Variants in SIDT2 observed in about 807,000 individuals in gnomAD.
The protein encoded by SIDT2 is SID1 transmembrane family, member 2.
SIDT2 carries 68 observed loss-of-function variants against 114.4 expected under a neutral mutation model. The ratio of observed to expected loss-of-function variants is 0.59; its 90% CI spans 0.49 to 0.73. The LOEUF (loss-of-function observed/expected upper bound fraction) is 0.73. Among genes scored for constraint, SIDT2 ranks in the 30% least tolerant of loss-of-function variants. SIDT2 has a pLI of 0.00. For missense variants in SIDT2, 918 were observed against 1,097.1 expected (o/e 0.84, Z 2.31); for synonymous variants, 470 against 438.4 (o/e 1.07, Z -0.90).
rs140224108 is a variant in SIDT2 at position 117,182,337 on chromosome 11, T to C, written c.517-182T>C. ...CATTCTGCTGAGTGCCCTGCTGAGG[T>C]TGAAGGGAATGGTATACAGAGAAAG... On this transcript the variant is annotated intron_variant, in intron 4 of 25. Transcript: ENST00000324225. The C allele has an allele frequency of 5.0e-5, 35 of 706,942 alleles. No homozygotes were observed. The African/African-American group carries it at 5.9e-4, about 12-fold the overall frequency. 43.8% of individuals were successfully genotyped at this position (706,942 alleles called of 1,614,324 possible).
In SIDT2 at chr11:117,181,858, C is replaced by G. The variant is rs777801093; in HGVS notation, c.357C>G (p.Pro119=). ...YQKVERTLCQ[P]PTKNESEIQF... is the part of the protein sequence containing the mutation. ...AAGTGGAACGAACCCTGTGTCAGCCCCCCACCAAGAATGAGTCGGAGATTC... is the reference window on the plus strand; with the variant it reads ...AAGTGGAACGAACCCTGTGTCAGCCGCCCACCAAGAATGAGTCGGAGATTC... The change falls in exon 3 of 26, where the codon CCC becomes CCG. Residue 119 remains proline (P), a synonymous_variant. Coordinates refer to ENST00000324225, the MANE Select transcript of SIDT2 (RefSeq NM_001040455.2). 6.2e-7 allele frequency: 1 copy of G among 1,614,204 alleles called. No individual in the cohort carries two copies. The highest frequency in any genetic ancestry group is 8.5e-7 in the Non-Finnish European group (1 of 1,180,030).
Position 117,190,270 on chromosome 11 carries a change from G to T in SIDT2, c.1598G>T (p.Arg533Leu). 1.3e-6 allele frequency: 2 copies of T among 1,553,368 alleles called. No individual in the cohort carries two copies. The highest frequency in any genetic ancestry group is 1.7e-6 in the Non-Finnish European group (2 of 1,150,960). The change falls in exon 17 of 26, where the codon CGC (arginine) becomes CTC (leucine). Residue 533 changes from arginine (R) to leucine (L), a missense_variant. By Grantham distance (102) the Arg-to-Leu change is moderately radical. This residue lies in a region of SIDT2 where 72 missense variants were observed against 59.9 expected (regional missense o/e 1.20). Coordinates refer to ENST00000324225, the MANE Select transcript of SIDT2 (RefSeq NM_001040455.2). The surrounding 1 kb of genome is among the most constrained non-coding windows in gnomAD (Gnocchi z 4.1). ...REINHNRALL[R>L]NDLCALECGI... ...ATCAACCACAACCGGGCCCTGCTGC[G>T]CAATGACCTCTGTGCCCTGGTAAGG...
At chr11:117,181,761 C>T (rs781757775) in intron 2 of SIDT2, 46 bp from the exon 3 acceptor site, 14 of 1,611,880 alleles carry the variant, frequency 8.7e-6, no homozygotes, top group African/African-American at 5.3e-5. Context: ...AGGGGCAGGC[C>T]GGCTGGGACA....
In SIDT2 at chr11:117,187,669, G is replaced by C; in HGVS notation, c.1129G>C (p.Gly377Arg). The change falls in exon 12 of 26, where the codon GGC becomes CGC. Residue 377 changes from glycine to arginine, a missense_variant. By Grantham distance (125) the Gly-to-Arg change is moderately radical. Coordinates refer to ENST00000324225, the MANE Select transcript of SIDT2 (RefSeq NM_001040455.2). The part of the protein sequence containing the change: ...GSTDGLVDSA[G>R]TGDLSYGYQG... ...TACCGATGGTCTGGTTGACAGCGCTGGCACTGGGGACCTCTCTTACGGTTA... is the reference window on the plus strand; with the variant it reads ...TACCGATGGTCTGGTTGACAGCGCTCGCACTGGGGACCTCTCTTACGGTTA... 6.2e-7 allele frequency: 1 copy of C among 1,614,040 alleles called. No homozygotes were observed.
chr11:117,181,682 G>A (rs1452855310), intron 2 of SIDT2, 125 bp from the exon 3 acceptor site: 20 of 1,566,828 alleles, frequency 1.3e-5, no homozygotes, highest in African/African-American at 5.4e-5. Context: ...CCCACCAGCC[G>A]GGAGCTTGTG....
chr11:117,184,303 G>A (rs954126782), intron 8 of SIDT2, among the ~76,000 whole-genome samples, 164 bp downstream of exon 8: 5 of 152,136 alleles, frequency 3.3e-5, no homozygotes, highest in Non-Finnish European at 5.9e-5. Context: ...GGGAGGGCCG[G>A]GAGGTGAGTT....
intron 8 of SIDT2, among the ~76,000 whole-genome samples, chr11:117,185,123 T>C (rs6589603): frequency 0.86 from 129,785 of 150,108 alleles, 56,706 homozygotes; most frequent in African/African-American, 0.91. Flanking sequence ...AATCTCGGCT[T>C]ACTGCAAGCT....
chr11:117,182,786 A>G lies in SIDT2; in HGVS notation c.682A>G (p.Lys228Glu). Residue 228 changes from lysine to glutamate, a missense_variant, in exon 6 of 26, where the codon AAG becomes GAG. Physicochemically the swap from Lys to Glu is moderately conservative, Grantham distance 56. Coordinates refer to ENST00000324225, the MANE Select transcript of SIDT2 (RefSeq NM_001040455.2). ...FIGMYQTMTK[K>E]AAITVQRKDF... Reference sequence around the variant, plus strand: ...CGGCATGTACCAGACGATGACCAAGAAGGCGGCCATCACCGTACAGGTAGG... The same window carrying G: ...CGGCATGTACCAGACGATGACCAAGGAGGCGGCCATCACCGTACAGGTAGG... 1.2e-6 allele frequency: 2 copies of G among 1,614,026 alleles called. No individual in the cohort carries two copies. The highest frequency in any genetic ancestry group is 1.1e-5 in the South Asian group (1 of 91,052).
At chr11:117,185,808 AG>A (rs1438138115) in intron 8 of SIDT2, 9 of 232,836 alleles carry the variant, frequency 3.9e-5, no homozygotes, top group Non-Finnish European at 5.7e-5. Flanking sequence ...TAGGAGTTGG[AG>A]GCTGCAGTGA....
At chr11:117,186,468 G>A in intron 9 of SIDT2, 116 bp from the exon 10 acceptor site, 1 of 1,090,974 alleles carries the variant, frequency 9.2e-7, no homozygotes, top group Non-Finnish European at 1.3e-6. Context: ...GACAAAGGGT[G>A]GAGGACAGGG....
In SIDT2 at chr11:117,192,824, G is replaced by T. The variant is rs141120563; in HGVS notation, c.2063G>T (p.Arg688Leu). 6.2e-7 allele frequency: 1 copy of T among 1,614,100 alleles called. No individual in the cohort carries two copies. Among genetic ancestry groups the T allele is most frequent in the East Asian group, 2.2e-5 (1 of 44,872 alleles). ...RQCSGPLYVD[R>L]MVLLVMGNVI... ...TGTGTCCCTGCTTCCCTCCAGGACC[G>T]CATGGTGCTGCTGGTCATGGGCAAC... Residue 688 changes from arginine to leucine, a missense_variant, in exon 22 of 26, where the codon CGC (arginine) becomes CTC (leucine). Arg to Leu is a moderately radical substitution (Grantham distance 102, BLOSUM62 -2). This residue lies in a region of SIDT2 where 275 missense variants were observed against 397.6 expected (regional missense o/e 0.69). Transcript: ENST00000324225. This position sits in a 1 kb window ranked among gnomAD's most constrained non-coding sequence, Gnocchi z 5.9.
intron 24 of SIDT2, among the ~76,000 whole-genome samples, chr11:117,195,283 C>T (rs2030857984): frequency 6.6e-6 from 1 of 151,940 alleles, no homozygotes; most frequent in South Asian, 2.1e-4. Context: ...CAGCATGTAG[C>T]ACAGACAGAC....
At chr11:117,183,499 G>A (rs560467369) in intron 6 of SIDT2, among the ~76,000 whole-genome samples, 128 of 151,820 alleles carry the variant, frequency 8.4e-4, no homozygotes, top group African/African-American at 2.4e-3. Context: ...TTAGCTGGGC[G>A]TGGTGATGGA....
intron 9 of SIDT2, 49 bp from the exon 10 acceptor site, chr11:117,186,535 G>T (rs1014030086): frequency 2.6e-6 from 4 of 1,511,086 alleles, no homozygotes; most frequent in Non-Finnish European, 3.6e-6. Flanking sequence ...CATACAGAGT[G>T]ATCCTTGTCC....
Position 117,190,807 on chromosome 11 carries a change from C to A in SIDT2, c.1735+67C>A. The A allele has an allele frequency of 7.8e-7, 1 of 1,274,550 alleles. No homozygotes were observed. Among genetic ancestry groups the A allele is most frequent in the Non-Finnish European group, 1.1e-6 (1 of 873,798 alleles). 79.0% of individuals were successfully genotyped at this position (1,274,550 alleles called of 1,614,324 possible). A position where few individuals can be genotyped will look rare whatever the true frequency, so the allele number is the denominator to read the frequency against. On this transcript the variant is annotated intron_variant, in intron 18 of 25. Coordinates refer to ENST00000324225, the MANE Select transcript of SIDT2 (RefSeq NM_001040455.2). The surrounding 1 kb of genome is among the most constrained non-coding windows in gnomAD (Gnocchi z 4.1). The stretch of plus-strand genomic sequence containing the variant: ...GGACCTGCCTGAGTCCTTCACTATC[C>A]CCAAGTCACCCACAGGGATCGCTAA...
intron 10 of SIDT2, 132 bp from the exon 11 acceptor site, chr11:117,187,246 G>T: frequency 1.0e-6 from 1 of 989,826 alleles, no homozygotes. Flanking sequence ...TGTTTGCCTG[G>T]ATAGGTGCTG....
intron 10 of SIDT2, chr11:117,186,959 C>T (rs750388901): frequency 4.3e-5 from 64 of 1,473,788 alleles, no homozygotes; most frequent in Middle Eastern, 1.8e-4. Flanking sequence ...CTCTTTCTGT[C>T]CTCCCTCCTG....
intron 11 of SIDT2, 69 bp from the exon 12 acceptor site, chr11:117,187,559 C>T: frequency 6.3e-7 from 1 of 1,598,312 alleles, no homozygotes; most frequent in Non-Finnish European, 8.6e-7. Flanking sequence ...CCCACACCCT[C>T]TGCAGATGCT....
Position 117,192,513 on chromosome 11 carries a change from C to CAG in SIDT2, c.1982-61_1982-60insAG. ...GCCTGGGCTCCTCAGCTGGCACATC[C>CAG]CAGGGGTCCAGCAAAGGAGGGTGCC... On this transcript the variant is annotated intron_variant, in intron 20 of 25. Transcript: ENST00000324225. The surrounding 1 kb of genome is among the most constrained non-coding windows in gnomAD (Gnocchi z 5.9). 6.3e-7 allele frequency: 1 copy of CAG among 1,585,976 alleles called. No homozygotes were observed. Among genetic ancestry groups the CAG allele is most frequent in the Admixed American group, 1.7e-5 (1 of 59,968 alleles).
Sources: gnomAD v4.1 joint callset for allele counts (sites outside exome capture counted in the v4.1 genomes callset) on GRCh38, gnomAD v4.1.1 for gene constraint, gnomAD v4.1.1 regional missense constraint, Gnocchi (gnomAD v3.1) non-coding constraint, MANE v1.5 for transcripts, NCBI Gene and HGNC (gene_info 2026-07-23, HGNC 2026-07-21) for gene names.